The following ACO2 variants were observed in gnomAD, a reference collection of about 807,000 sequenced individuals.
ACO2 encodes the protein aconitate hydratase, mitochondrial.
ACO2 carries 31 observed loss-of-function variants against 84.5 expected under a neutral mutation model. That is an observed-to-expected ratio of 0.37 (90% CI 0.28 to 0.50). The LOEUF (loss-of-function observed/expected upper bound fraction) is 0.50, where lower values mean the gene tolerates loss of function less well. ACO2 is among the 20% of genes least tolerant of loss of function. The pLI, the probability that ACO2 is intolerant of heterozygous loss-of-function variation, is 0.97. For missense variants in ACO2, 685 were observed against 1,029.3 expected (o/e 0.67, Z 4.58); for synonymous variants, 414 against 412.7 (o/e 1.00, Z -0.04).
At chr22:41,472,329 G>C (rs1235414053) in intron 1 of ACO2, among the ~76,000 whole-genome samples, 1 of 151,766 alleles carries the variant, frequency 6.6e-6, no homozygotes, top group African/African-American at 2.4e-5. Flanking sequence ...CTACAGCCTG[G>C]GTGACAGAGT....
chr22:41,470,305 G>C (rs1302970061), intron 1 of ACO2, among the ~76,000 whole-genome samples: 1 of 152,064 alleles, frequency 6.6e-6, no homozygotes, highest in Non-Finnish European at 1.5e-5. Flanking sequence ...TTTGATAATA[G>C]AATTTTACGA....
chr22:41,499,906 T>C, intron 2 of ACO2, 44 bp downstream of exon 2: 2 of 1,605,058 alleles, frequency 1.2e-6, no homozygotes, highest in Non-Finnish European at 1.7e-6. Context: ...GGGCATTGCG[T>C]CTGCTGCCTG....
intron 3 of ACO2, among the ~76,000 whole-genome samples, chr22:41,509,666 G>GA (rs148858268): frequency 0.012 from 1,779 of 152,150 alleles, 37 homozygotes; most frequent in African/African-American, 0.041. Context: ...GTGGAAGTGA[G>GA]AGGGGGCCTG....
intron 8 of ACO2, among the ~76,000 whole-genome samples, 163 bp from the exon 9 acceptor site, chr22:41,520,008 G>T (rs2066509207): frequency 6.6e-6 from 1 of 152,206 alleles, no homozygotes. Flanking sequence ...GGGAGCGGGT[G>T]TGTGCAGAGC....
intron 1 of ACO2, among the ~76,000 whole-genome samples, chr22:41,475,852 C>T (rs1001799500): frequency 3.4e-5 from 5 of 149,106 alleles, no homozygotes; most frequent in Non-Finnish European, 5.9e-5. Context: ...GAGCCGAGAT[C>T]GCGCCACTGC....
rs113683585 is a variant in ACO2, at chr22:41,496,736, C to T, written c.37-2990C>T. On this transcript the variant is annotated intron_variant, in intron 1 of 17. Transcript: ENST00000216254. ...CCCAGTGAGGCAGGCAGTGAGGAGC[C>T]ATCAGTCAGGTTTGAGCTTGAGGGC... Among the ~76,000 whole-genome samples the T allele has an allele frequency of 1.3e-3, 193 of 152,238 alleles. 3 individuals are homozygous for T. Among genetic ancestry groups the T allele is most frequent in the African/African-American group, 4.4e-3 (183 of 41,510 alleles).
chr22:41,528,330 C>G, intron 17 of ACO2, 149 bp from the exon 18 acceptor site: 1 of 1,196,450 alleles, frequency 8.4e-7, no homozygotes, highest in South Asian at 1.5e-5. Flanking sequence ...TGGGTCTGAC[C>G]TGGGCCATCA....
chr22:41,478,242 G>T (rs1601879405), intron 1 of ACO2, among the ~76,000 whole-genome samples: 1 of 151,986 alleles, frequency 6.6e-6, no homozygotes, highest in African/African-American at 2.4e-5. Flanking sequence ...GGTTCAAGCA[G>T]TTCTTTTGCC....
intron 1 of ACO2, among the ~76,000 whole-genome samples, chr22:41,484,095 T>C (rs2038121835): frequency 6.6e-6 from 1 of 152,102 alleles, no homozygotes; most frequent in South Asian, 2.1e-4. Flanking sequence ...AAATGGGGGG[T>C]TGGGACTTGA....
At chr22:41,478,255 A>T (rs1015920444) in intron 1 of ACO2, among the ~76,000 whole-genome samples, 5 of 152,048 alleles carry the variant, frequency 3.3e-5, no homozygotes, top group Admixed American at 6.6e-5. Flanking sequence ...CTTTTGCCCC[A>T]GCCTCCCAAG....
intron 1 of ACO2, among the ~76,000 whole-genome samples, chr22:41,499,074 G>A (rs566802724): frequency 4.6e-5 from 7 of 150,812 alleles, no homozygotes; most frequent in Non-Finnish European, 1.0e-4. Context: ...TCCCACCTGG[G>A]CGGCAAGACT....
At chr22:41,476,398 ACT>A (rs1389498134) in intron 1 of ACO2, among the ~76,000 whole-genome samples, 4 of 135,848 alleles carry the variant, frequency 2.9e-5, no homozygotes, top group African/African-American at 1.1e-4. Flanking sequence ...CAAGAATGAA[ACT>A]CTGTCTTAAA....
chr22:41,476,856 T>C (rs1025929364), intron 1 of ACO2, among the ~76,000 whole-genome samples: 1 of 151,688 alleles, frequency 6.6e-6, no homozygotes, highest in Non-Finnish European at 1.5e-5. Context: ...TCTTGAAAGG[T>C]AGGGAGAATG....
chr22:41,490,502 T>A (rs1471108324), intron 1 of ACO2, among the ~76,000 whole-genome samples: 1 of 152,226 alleles, frequency 6.6e-6, no homozygotes, highest in Non-Finnish European at 1.5e-5. Context: ...ATTCAATCAG[T>A]GCCCTGTGTA....
intron 15 of ACO2, 44 bp downstream of exon 15, chr22:41,526,497 A>G: frequency 6.3e-7 from 1 of 1,578,010 alleles, no homozygotes. Context: ...TCACTCCTGA[A>G]GGGGCCTGCA....
intron 1 of ACO2, among the ~76,000 whole-genome samples, chr22:41,490,337 T>C (rs934942602): frequency 1.3e-5 from 2 of 151,916 alleles, no homozygotes; most frequent in Non-Finnish European, 1.5e-5. Flanking sequence ...AAAAAAAAAA[T>C]TGTGGTCAAA....
At chr22:41,505,336 G>T (rs980021304) in intron 2 of ACO2, among the ~76,000 whole-genome samples, 5 of 152,108 alleles carry the variant, frequency 3.3e-5, no homozygotes, top group African/African-American at 1.2e-4. Context: ...AGGATCGCTT[G>T]AGCCTGAAAG....
At chr22:41,491,902 C>A (rs902735506) in intron 1 of ACO2, among the ~76,000 whole-genome samples, 1 of 152,132 alleles carries the variant, frequency 6.6e-6, no homozygotes. Flanking sequence ...TTCTTCAATC[C>A]GAACTACCAC....
intron 8 of ACO2, among the ~76,000 whole-genome samples, chr22:41,519,159 G>T (rs948317192): frequency 7.9e-5 from 12 of 152,168 alleles, no homozygotes; most frequent in African/African-American, 2.9e-4. Flanking sequence ...ACCCTGAAGG[G>T]TTTTTGTTAT....
Sources: allele counts gnomAD v4.1 joint callset (sites outside exome capture counted in the v4.1 genomes callset), GRCh38; gene constraint gnomAD v4.1.1; transcripts MANE v1.5; gene names NCBI Gene and HGNC (gene_info 2026-07-23, HGNC 2026-07-21).